The following MET variants were observed in gnomAD, a reference collection of about 807,000 sequenced individuals.
MET encodes the protein hepatocyte growth factor receptor.
A neutral mutation model predicts 133.1 loss-of-function variants in MET; 48 were observed. The ratio of observed to expected loss-of-function variants is 0.36; its 90% CI spans 0.29 to 0.46. MET has a LOEUF of 0.46. MET is among the 20% of genes least tolerant of loss of function. The probability of loss-of-function intolerance (pLI) is 1.00; values close to 1 mark genes in which losing one functional copy is unlikely to be tolerated. For missense variants in MET, 1,442 were observed against 1,695.9 expected, an observed-to-expected ratio of 0.85 and a Z score of 2.63; for synonymous variants, 628 against 616.5, an observed-to-expected ratio of 1.02 and a Z score of -0.28.
intron 2 of MET, among the ~76,000 whole-genome samples, chr7:116,705,297 T>C (rs1791744311): frequency 6.6e-6 from 1 of 151,992 alleles, no homozygotes; most frequent in Non-Finnish European, 1.5e-5. Flanking sequence ...TAATATTTAA[T>C]AAAATAAACA....
At chr7:116,795,136 T>A (rs532566326) in intron 19 of MET, among the ~76,000 whole-genome samples, 2 of 152,350 alleles carry the variant, frequency 1.3e-5, no homozygotes, top group African/African-American at 4.8e-5. Context: ...CAGTTTTTTT[T>A]ATTTCTGATT....
intron 14 of MET, among the ~76,000 whole-genome samples, chr7:116,773,353 C>G (rs2117014050): frequency 6.6e-6 from 1 of 152,284 alleles, no homozygotes; most frequent in Admixed American, 6.5e-5. Flanking sequence ...TGTGGTGTGA[C>G]ATCAGGGTGG....
chr7:116,759,643 A>G (rs1317917702), intron 10 of MET, 153 bp downstream of exon 10: 2 of 860,758 alleles, frequency 2.3e-6, no homozygotes, highest in Non-Finnish European at 3.8e-6. Context: ...TTATTTAATA[A>G]CTGAAATTAT....
intron 11 of MET, among the ~76,000 whole-genome samples, chr7:116,765,048 C>T (rs891436599): frequency 2.0e-5 from 3 of 152,008 alleles, no homozygotes; most frequent in Non-Finnish European, 4.4e-5. Context: ...ACCTGTAATC[C>T]CAGCACTTTG....
chr7:116,715,192 C>T (rs1296452113), intron 2 of MET, among the ~76,000 whole-genome samples: 1 of 152,164 alleles, frequency 6.6e-6, no homozygotes, highest in Non-Finnish European at 1.5e-5. Context: ...CCAGAGCTCC[C>T]ATAACAAATT....
intron 11 of MET, among the ~76,000 whole-genome samples, chr7:116,763,865 T>C (rs934846443): frequency 7.2e-5 from 11 of 152,316 alleles, no homozygotes; most frequent in African/African-American, 2.4e-4. Flanking sequence ...GACAAAATAG[T>C]GGCAGAATAA....
intron 11 of MET, among the ~76,000 whole-genome samples, chr7:116,767,219 G>T (rs947104715): frequency 6.6e-6 from 1 of 152,108 alleles, no homozygotes; most frequent in East Asian, 1.9e-4. Flanking sequence ...ACTCCCATCT[G>T]CTCGGTTCTG....
chr7:116,707,152 A>AT (rs1004890065), intron 2 of MET, among the ~76,000 whole-genome samples: 3 of 151,968 alleles, frequency 2.0e-5, no homozygotes, highest in African/African-American at 4.8e-5. Context: ...CTTCAAAAAT[A>AT]TTTTCCAGTC....
chr7:116,693,210 A>G (rs150536677), intron 1 of MET, among the ~76,000 whole-genome samples: 161 of 152,350 alleles, frequency 1.1e-3, no homozygotes, highest in African/African-American at 3.7e-3. Context: ...AATTATTAGA[A>G]TTGGAAAACA....
At chr7:116,693,273 C>T (rs1796838485) in intron 1 of MET, among the ~76,000 whole-genome samples, 1 of 152,126 alleles carries the variant, frequency 6.6e-6, no homozygotes, top group Non-Finnish European at 1.5e-5. Context: ...ATTTAATAAC[C>T]ATCCCTCTGC....
chr7:116,754,974 G>A (rs1449534827), intron 5 of MET, among the ~76,000 whole-genome samples: 3 of 48,852 alleles, frequency 6.1e-5, no homozygotes, highest in African/African-American at 1.6e-4. Flanking sequence ...AAGGAAGGAA[G>A]CAGAGAAAGG....
chr7:116,688,751 G>A (rs139081517), intron 1 of MET, among the ~76,000 whole-genome samples: 11 of 152,296 alleles, frequency 7.2e-5, no homozygotes, highest in African/African-American at 2.6e-4. Flanking sequence ...CCATATCAGA[G>A]TTGGATAATA....
At chr7:116,765,557 C>T (rs937050407) in intron 11 of MET, among the ~76,000 whole-genome samples, 4 of 152,160 alleles carry the variant, frequency 2.6e-5, no homozygotes, top group Admixed American at 2.6e-4. Context: ...AGGGGTCAAG[C>T]ATAAGTCACC....
At chr7:116,757,852 G>T (rs746669230) in intron 8 of MET, 78 bp downstream of exon 8, 39 of 1,397,536 alleles carry the variant, frequency 2.8e-5, no homozygotes, top group Non-Finnish European at 1.0e-6. Flanking sequence ...AGATTGTTTT[G>T]TGTGTGTGTG....
chr7:116,672,336 G>C lies in MET; in HGVS notation c.-256G>C, dbSNP rs1584840343. Reference sequence around the variant, plus strand: ...TGGCAGGGCAGCGCGCGTGTGGGAAGGGGCGGAGGGAGTGCGGCCGGCGGG... The same window carrying C: ...TGGCAGGGCAGCGCGCGTGTGGGAACGGGCGGAGGGAGTGCGGCCGGCGGG... On this transcript the variant is annotated 5_prime_UTR_variant, in exon 1 of 21. Coordinates refer to ENST00000397752, the MANE Select transcript of MET (RefSeq NM_000245.4). The C allele has an allele frequency of 3.3e-6, 1 of 303,674 alleles. No homozygotes were observed. The highest frequency in any genetic ancestry group is 2.2e-5 in the African/African-American group (1 of 44,972). The allele number at this position is 303,674 out of a possible 1,614,324, so 18.8% of individuals were successfully genotyped here. A position where few individuals can be genotyped will look rare whatever the true frequency, so the allele number is the denominator to read the frequency against.
chr7:116,765,938 T>C (rs1210602767), intron 11 of MET, among the ~76,000 whole-genome samples: 1 of 152,170 alleles, frequency 6.6e-6, no homozygotes, highest in Non-Finnish European at 1.5e-5. Flanking sequence ...ATTCCAAATT[T>C]GGTCTTCTGT....
At position 116,753,677 on chromosome 7, in the gene MET, A is replaced by G. The variant is rs528512136; in HGVS notation, c.1702-1678A>G. Among the ~76,000 whole-genome samples the G allele has an allele frequency of 2.1e-3, 322 of 152,294 alleles. 1 individual carries two copies. Among genetic ancestry groups the G allele is most frequent in the African/African-American group, 7.2e-3 (301 of 41,560 alleles). On this transcript the variant is annotated intron_variant, in intron 5 of 20. Coordinates refer to ENST00000397752, the MANE Select transcript of MET (RefSeq NM_000245.4). The stretch of plus-strand genomic sequence containing the variant: ...ATTAGGAAAAATTGTTACAATACTG[A>G]TTTTGGGCCCTCTCTGGTTCCGTTT...
At chr7:116,682,775 C>G (rs576063144) in intron 1 of MET, among the ~76,000 whole-genome samples, 1 of 152,292 alleles carries the variant, frequency 6.6e-6, no homozygotes, top group South Asian at 2.1e-4. Context: ...TGTCTCCAGT[C>G]CAATTTTTCG....
At chr7:116,734,640 T>C (rs1235811955) in intron 3 of MET, among the ~76,000 whole-genome samples, 1 of 152,220 alleles carries the variant, frequency 6.6e-6, no homozygotes, top group Non-Finnish European at 1.5e-5. Context: ...TCAATGTAGA[T>C]GAAGATTTAA....
Sources: gnomAD v4.1 joint callset for allele counts (sites outside exome capture counted in the v4.1 genomes callset) on GRCh38, gnomAD v4.1.1 for gene constraint, MANE v1.5 for transcripts, NCBI Gene and HGNC (gene_info 2026-07-23, HGNC 2026-07-21) for gene names.